MTR: variants seen among roughly 807,000 people sequenced by gnomAD.
The protein encoded by MTR is methionine synthase.
MTR carries 84 observed loss-of-function variants against 154.8 expected under a neutral mutation model. That is an observed-to-expected ratio of 0.54 (90% CI 0.45 to 0.65). MTR has a LOEUF of 0.65. MTR is among the 30% of genes least tolerant of loss of function. The pLI is 0.00. For synonymous variants in MTR, 554 were observed against 553.9 expected (o/e 1.00, Z 0.00); for missense variants, 1,275 against 1,570.2 (o/e 0.81, Z 3.18).
chr1:236,866,870 T>C (rs373136720), intron 22 of MTR, among the ~76,000 whole-genome samples: 1 of 152,198 alleles, frequency 6.6e-6, no homozygotes, highest in Non-Finnish European at 1.5e-5. Flanking sequence ...GCTCCAACCG[T>C]CTTCAATTTT....
At chr1:236,799,611 A>G (rs1018639279) in intron 1 of MTR, among the ~76,000 whole-genome samples, 1 of 152,134 alleles carries the variant, frequency 6.6e-6, no homozygotes, top group Non-Finnish European at 1.5e-5. Flanking sequence ...GTCTATAGGT[A>G]TTTTTAATTC....
At chr1:236,825,582 T>C (rs564146430) in intron 10 of MTR, among the ~76,000 whole-genome samples, 183 bp downstream of exon 10, 4 of 152,162 alleles carry the variant, frequency 2.6e-5, no homozygotes, top group Non-Finnish European at 5.9e-5. Flanking sequence ...AGCATCCTTA[T>C]CCTCAGCTGG....
chr1:236,831,346 G>A (rs529509773), intron 12 of MTR, among the ~76,000 whole-genome samples: 4 of 152,294 alleles, frequency 2.6e-5, no homozygotes, highest in African/African-American at 9.6e-5. Flanking sequence ...TATTATGTTG[G>A]TGGATAAGGA....
chr1:236,827,153 C>T (rs1489831227), intron 11 of MTR, among the ~76,000 whole-genome samples: 6 of 152,162 alleles, frequency 3.9e-5, no homozygotes, highest in Non-Finnish European at 8.8e-5. Flanking sequence ...AATGCGCACA[C>T]AGAGGCAAGC....
At chr1:236,859,960 C>T (rs756995164) in intron 19 of MTR, 38 bp downstream of exon 19, 6 of 1,551,844 alleles carry the variant, frequency 3.9e-6, no homozygotes, top group Non-Finnish European at 5.3e-6. Context: ...GCTGGAGGCT[C>T]ATCATGGCTG....
At chr1:236,829,979 A>T (rs1662516351) in intron 12 of MTR, among the ~76,000 whole-genome samples, 1 of 152,234 alleles carries the variant, frequency 6.6e-6, no homozygotes, top group Admixed American at 6.5e-5. Context: ...ATGAGGAATT[A>T]TGTTCCCTAA....
rs576755614 is a variant in MTR at position 236,859,746 on chromosome 1, G to T, written c.1954-87G>T. On this transcript the variant is annotated intron_variant, in intron 18 of 32. Coordinates refer to ENST00000366577, the MANE Select transcript of MTR (RefSeq NM_000254.3). ...AAAGTAAAAGAAGAATAAGACACAGGTTTTTTTGTTTGTTTGTTTGTTTTG... is the reference window on the plus strand; with the variant it reads ...AAAGTAAAAGAAGAATAAGACACAGTTTTTTTTGTTTGTTTGTTTGTTTTG... 3.4e-5 allele frequency: 36 copies of T among 1,059,492 alleles called. No individual in the cohort carries two copies. In the African/African-American group the frequency reaches 3.6e-4, roughly 10 times the overall value. The allele number at this position is 1,059,492 out of a possible 1,614,324, so 65.6% of individuals were successfully genotyped here. A position where few individuals can be genotyped will look rare whatever the true frequency, so the allele number is the denominator to read the frequency against.
At chr1:236,817,177 G>A (rs971221458) in intron 8 of MTR, among the ~76,000 whole-genome samples, 2 of 152,110 alleles carry the variant, frequency 1.3e-5, no homozygotes, top group African/African-American at 4.8e-5. Context: ...TTTAAATTGT[G>A]TACTTTGAGT....
intron 31 of MTR, 45 bp downstream of exon 31, chr1:236,895,595 G>T: frequency 6.5e-7 from 1 of 1,542,892 alleles, no homozygotes; most frequent in South Asian, 1.2e-5. Flanking sequence ...TTCTTCAGTA[G>T]ATACTCTTAT....
chr1:236,894,967 G>A (rs983824527), intron 30 of MTR: 6 of 361,920 alleles, frequency 1.7e-5, no homozygotes, highest in African/African-American at 6.2e-5. Flanking sequence ...TGGAATGAGG[G>A]TAGTAGCCTT....
At chr1:236,883,617 A>G (rs1181446937) in intron 25 of MTR, among the ~76,000 whole-genome samples, 2 of 152,184 alleles carry the variant, frequency 1.3e-5, no homozygotes, top group Non-Finnish European at 2.9e-5. Flanking sequence ...GGGTTTCCTA[A>G]ACGAGGACTC....
At chr1:236,886,876 T>G (rs10158822) in intron 27 of MTR, among the ~76,000 whole-genome samples, 32,390 of 152,132 alleles carry the variant, frequency 0.21, 3,673 homozygotes, top group South Asian at 0.32. Context: ...CGCCTTTGCA[T>G]TCACACATCT....
chr1:236,860,443 TCTTTCAC>T (rs1664473447), intron 19 of MTR, among the ~76,000 whole-genome samples: 1 of 151,722 alleles, frequency 6.6e-6, no homozygotes, highest in Admixed American at 6.6e-5. Context: ...AACATTTAAC[TCTTTCAC>T]CTTTTGAGAT....
chr1:236,871,929 TG>T (rs1250827282), intron 22 of MTR, among the ~76,000 whole-genome samples: 4 of 152,222 alleles, frequency 2.6e-5, no homozygotes, highest in African/African-American at 9.6e-5. Context: ...GTCCCCTTCC[TG>T]CCCCAGCGTT....
rs1372192671 is a variant in MTR at position 236,897,644 on chromosome 1, AC to A, written c.*1del. ...CCATTTTGGGATATGATACAGACTA[AC>A]TTTTTTTTTTTTTTTGCCTTTTTTA... On this transcript the variant is annotated 3_prime_UTR_variant, in exon 33 of 33. Coordinates refer to ENST00000366577, the MANE Select transcript of MTR (RefSeq NM_000254.3). 1 of 1,600,316 alleles carries A rather than the reference AC, an allele frequency of 6.2e-7. No individual in the cohort carries two copies. Among genetic ancestry groups the A allele is most frequent in the South Asian group, 1.1e-5 (1 of 89,794 alleles).
rs2147881958 is a variant in MTR at position 236,874,836 on chromosome 1, A to G, written c.2584A>G (p.Thr862Ala). 1 of 1,613,860 alleles carries G rather than the reference A, an allele frequency of 6.2e-7. No individual in the cohort carries two copies. Among genetic ancestry groups the G allele is most frequent in the Non-Finnish European group, 8.5e-7 (1 of 1,179,864 alleles). The part of the protein sequence containing the change: ...IRIPLLIGGA[T>A]TSKTHTAVKI... ...GATTCCATTGTTGATTGGAGGAGCA[A>G]CCACTTCAAAGTAAGTTATACTAAT... Residue 862 changes from threonine to alanine, a missense_variant, in exon 24 of 33, where the codon ACC becomes GCC. By Grantham distance (58) the Thr-to-Ala change is moderately conservative (BLOSUM62 0). Coordinates refer to ENST00000366577, the MANE Select transcript of MTR (RefSeq NM_000254.3).
intron 18 of MTR, among the ~76,000 whole-genome samples, chr1:236,853,650 A>C (rs1664045046): frequency 6.6e-6 from 1 of 152,152 alleles, no homozygotes; most frequent in African/African-American, 2.4e-5. Flanking sequence ...CATTATTTAA[A>C]ATAGCTGTTC....
chr1:236,828,017 G>A (rs1662392654), intron 11 of MTR, among the ~76,000 whole-genome samples: 1 of 151,914 alleles, frequency 6.6e-6, no homozygotes, highest in Non-Finnish European at 1.5e-5. Flanking sequence ...TTGCTCTGTT[G>A]CCCAGGCTGG....
At chr1:236,894,246 C>T (rs958936147) in intron 29 of MTR, 111 bp from the exon 30 acceptor site, 15 of 1,003,032 alleles carry the variant, frequency 1.5e-5, no homozygotes, top group African/African-American at 1.1e-4. Context: ...GCCATCTGTG[C>T]GTTGTGAAGC....
Sources: allele counts gnomAD v4.1 joint callset (sites outside exome capture counted in the v4.1 genomes callset), GRCh38; gene constraint gnomAD v4.1.1; transcripts MANE v1.5; gene names NCBI Gene and HGNC (gene_info 2026-07-23, HGNC 2026-07-21).